ANXA5: variants seen among roughly 807,000 people sequenced by gnomAD.
The protein encoded by ANXA5 is annexin A5, also known as CBP-I.
In ANXA5, 40 loss-of-function variants were observed where a neutral mutation model predicts 48.1. The observed-to-expected ratio is 0.83, with a 90% CI of 0.65 to 1.08. The LOEUF (loss-of-function observed/expected upper bound fraction) is 1.08. Among genes scored for constraint, ANXA5 ranks in the 50% least tolerant of loss-of-function variants. The pLI, the probability that ANXA5 is intolerant of heterozygous loss-of-function variation, is 0.00. For missense variants in ANXA5, 357 were observed against 376.8 expected (o/e 0.95, Z 0.44); for synonymous variants, 113 against 129.1 (o/e 0.88, Z 0.85).
chr4:121,694,199 GTAACAA>G (rs1725038742), intron 2 of ANXA5, among the ~76,000 whole-genome samples: 1 of 150,600 alleles, frequency 6.6e-6, no homozygotes, highest in Admixed American at 6.6e-5. Context: ...GTATACATAT[GTAACAA>G]ACCTGCATGT....
Position 121,668,999 on chromosome 4 carries a change from A to C in ANXA5, c.904-472T>G, listed in dbSNP as rs138628647. Among the ~76,000 whole-genome samples the C allele has an allele frequency of 4.1e-3, 624 of 152,162 alleles. 6 individuals are homozygous for C. The highest frequency in any genetic ancestry group is 0.01 in the Middle Eastern group (3 of 294). On this transcript the variant is annotated intron_variant, in intron 12 of 12. Transcript: ENST00000296511. Reference sequence around the variant, plus strand: ...CAAACCACAAACATGCTAAACTAAAAGCTTCTGCTCAATTGAAATCTTGCT... The same window carrying C: ...CAAACCACAAACATGCTAAACTAAACGCTTCTGCTCAATTGAAATCTTGCT...
rs1001156409 is a variant in ANXA5, at chr4:121,683,591, T to C, written c.190-114A>G. The stretch of plus-strand genomic sequence containing the variant: ...AATTCTTTATGTTGCTGTCTCCAAG[T>C]AGAAGGCCCATGAGCTAAACAAAAC... On this transcript the variant is annotated intron_variant, in intron 4 of 12. Transcript: ENST00000296511. 11 of 597,476 alleles carry C rather than the reference T, an allele frequency of 1.8e-5. No homozygotes were observed. In the African/African-American group the frequency reaches 2.1e-4, roughly 11 times the overall value. 37.0% of individuals were successfully genotyped at this position (597,476 alleles called of 1,614,324 possible).
chr4:121,677,909 A>T lies in ANXA5; in HGVS notation c.516T>A (p.Val172=). 1.2e-6 allele frequency: 2 copies of T among 1,613,788 alleles called. No homozygotes were observed. Among genetic ancestry groups the T allele is most frequent in the South Asian group, 2.2e-5 (2 of 91,068 alleles). Residue 172 remains valine, a synonymous_variant, in exon 8 of 13, where the codon GTT becomes GTA. Coordinates refer to ENST00000296511, the MANE Select transcript of ANXA5 (RefSeq NM_001154.4). ...DPDAGIDEAQ[V]EQDAQALFQA... ...TGTCACTCACCTGAGCATCTTGTTC[A>T]ACTTGAGCTTCATCAATTCCAGCAT... is the stretch of plus-strand genomic sequence containing the variant.
At position 121,671,543 on chromosome 4, in the gene ANXA5, C is replaced by T; in HGVS notation, c.721+4G>A. ...AAAATATCAATACATTGTAAATCAC[C>T]TACCAACAGCAAGGAGTAGTTGCTC... On this transcript the variant is annotated splice_donor_region_variant and intron_variant, in intron 10 of 12. Transcript: ENST00000296511. 6 of 1,605,120 alleles carry T rather than the reference C, an allele frequency of 3.7e-6. No homozygotes were observed. Among genetic ancestry groups the T allele is most frequent in the Non-Finnish European group, 5.1e-6 (6 of 1,171,976 alleles).
At chr4:121,671,100 A>T (rs58942579) in intron 10 of ANXA5, among the ~76,000 whole-genome samples, 2,795 of 152,296 alleles carry the variant, frequency 0.018, 93 homozygotes, top group African/African-American at 0.064. Flanking sequence ...ATTTGAAAAC[A>T]ACCATCATCA....
At chr4:121,681,588 C>T (rs1724793283) in intron 6 of ANXA5, 83 bp downstream of exon 6, 4 of 862,300 alleles carry the variant, frequency 4.6e-6, no homozygotes, top group Non-Finnish European at 7.5e-6. Flanking sequence ...GCCTCCCATA[C>T]CTACAAAGGA....
intron 6 of ANXA5, among the ~76,000 whole-genome samples, chr4:121,680,327 G>T (rs1724769614): frequency 6.6e-6 from 1 of 152,006 alleles, no homozygotes; most frequent in Non-Finnish European, 1.5e-5. Flanking sequence ...TGGACACTTT[G>T]TAAACCCACC....
At chr4:121,669,453 T>C (rs1724574957) in intron 12 of ANXA5, 149 bp downstream of exon 12, 1 of 972,536 alleles carries the variant, frequency 1.0e-6, no homozygotes, top group Admixed American at 2.3e-5. Context: ...TCAGGAAACA[T>C]TATGCTAAGC....
chr4:121,668,533 A>ACCAAATGTATTC lies in ANXA5; in HGVS notation c.904-18_904-7dup. The ACCAAATGTATTC allele has an allele frequency of 6.2e-7, 1 of 1,612,948 alleles. No homozygotes were observed. The highest frequency in any genetic ancestry group is 8.5e-7 in the Non-Finnish European group (1 of 1,179,144). ...TAGTCCCCAGATGTATCTCCCTGAA[A>ACCAAATGTATTC]CCAAATGTATTCCATTAACCTCCAT... On this transcript the variant is annotated splice_region_variant and splice_polypyrimidine_tract_variant and intron_variant, in intron 12 of 12. Transcript: ENST00000296511.
At chr4:121,684,216 A>G (rs1387492838) in intron 4 of ANXA5, among the ~76,000 whole-genome samples, 2 of 152,338 alleles carry the variant, frequency 1.3e-5, no homozygotes, top group African/African-American at 4.8e-5. Context: ...TCATTTAAAT[A>G]ATTCAAATAA....
chr4:121,673,482 A>G (rs1399478885), intron 8 of ANXA5, among the ~76,000 whole-genome samples: 1 of 152,252 alleles, frequency 6.6e-6, no homozygotes, highest in South Asian at 2.1e-4. Context: ...AGTTGGCCTT[A>G]TACCCACAAG....
chr4:121,673,098 G>A (rs1225712453), intron 8 of ANXA5, among the ~76,000 whole-genome samples: 22 of 152,142 alleles, frequency 1.4e-4, no homozygotes, highest in Admixed American at 1.4e-3. Context: ...TTACAACTGA[G>A]ATTTAACCAA....
chr4:121,685,061 CAT>C lies in ANXA5; in HGVS notation c.95-292_95-291del, dbSNP rs1236738367. Reference sequence around the variant, plus strand: ...ATATATATATATATATACACACACACATATATATATACACACACACACACACA... The same window carrying C: ...ATATATATATATATATACACACACACATATATATACACACACACACACACA... On this transcript the variant is annotated intron_variant, in intron 3 of 12. Transcript: ENST00000296511. Among the ~76,000 whole-genome samples the C allele has an allele frequency of 1.4e-4, 21 of 147,060 alleles. No homozygotes were observed. The South Asian group carries it at 2.2e-3, about 15-fold the overall frequency.
intron 2 of ANXA5, among the ~76,000 whole-genome samples, chr4:121,687,975 T>C (rs1460005846): frequency 2.0e-5 from 3 of 152,158 alleles, no homozygotes; most frequent in Non-Finnish European, 4.4e-5. Context: ...TCAAAATTCA[T>C]ATGTTGAAAC....
At chr4:121,686,029 C>CTTT (rs60663589) in intron 3 of ANXA5, among the ~76,000 whole-genome samples, 53,731 of 140,076 alleles carry the variant, frequency 0.38, 12,263 homozygotes, top group East Asian at 0.66. Flanking sequence ...AATTTTTTTG[C>CTTT]TTTTTTTTTT....
chr4:121,672,688 C>A (rs1724632744), intron 8 of ANXA5, 62 bp from the exon 9 acceptor site: 2 of 1,250,502 alleles, frequency 1.6e-6, no homozygotes, highest in South Asian at 2.4e-5. Context: ...GGTTCTTAAA[C>A]ACACTTGTTT....
chr4:121,668,603 A>G, intron 12 of ANXA5, 76 bp from the exon 13 acceptor site: 1 of 1,267,034 alleles, frequency 7.9e-7, no homozygotes, highest in Non-Finnish European at 1.2e-6. Context: ...ATAACTGGCA[A>G]CAAATTTTAT....
In ANXA5 at chr4:121,668,180, C is replaced by T. The variant is rs1046241653; in HGVS notation, c.*288G>A. Reference sequence around the variant, plus strand: ...ATATAAATGGAGTTTTTAAAAAAGGCTAAAAGCACTCTAGCCTCTTAAAAA... The same window carrying T: ...ATATAAATGGAGTTTTTAAAAAAGGTTAAAAGCACTCTAGCCTCTTAAAAA... On this transcript the variant is annotated 3_prime_UTR_variant, in exon 13 of 13. Transcript: ENST00000296511. The T allele has an allele frequency of 2.0e-5, 5 of 250,150 alleles. No individual in the cohort carries two copies. The highest frequency in any genetic ancestry group is 1.1e-4 in the African/African-American group (5 of 44,824). The allele number at this position is 250,150 out of a possible 1,614,324, so 15.5% of individuals were successfully genotyped here.
At chr4:121,688,053 C>G (rs1724922820) in intron 2 of ANXA5, among the ~76,000 whole-genome samples, 1 of 152,112 alleles carries the variant, frequency 6.6e-6, no homozygotes, top group Non-Finnish European at 1.5e-5. Flanking sequence ...TAGATGAAGT[C>G]ATGAAAGCAG....
Sources: gnomAD v4.1 joint callset for allele counts (sites outside exome capture counted in the v4.1 genomes callset) on GRCh38, gnomAD v4.1.1 for gene constraint, MANE v1.5 for transcripts, NCBI Gene and HGNC (gene_info 2026-07-23, HGNC 2026-07-21) for gene names.